Variants in DLG1 observed in about 807,000 individuals in gnomAD.
The protein encoded by DLG1 is disks large homolog 1.
DLG1 carries 42 observed loss-of-function variants against 123.4 expected under a neutral mutation model. The observed-to-expected ratio is 0.34, with a 90% CI of 0.27 to 0.44. DLG1 has a LOEUF of 0.44. Among genes scored for constraint, DLG1 ranks in the 20% least tolerant of loss-of-function variants. The probability of loss-of-function intolerance (pLI) is 1.00; values close to 1 mark genes in which losing one functional copy is unlikely to be tolerated. For missense variants in DLG1, 942 were observed against 1,082.6 expected (o/e 0.87, Z 1.82); for synonymous variants, 317 against 356.2 (o/e 0.89, Z 1.24).
intron 14 of DLG1, among the ~76,000 whole-genome samples, chr3:197,103,478 A>G (rs1764647641): frequency 6.6e-6 from 1 of 152,122 alleles, no homozygotes; most frequent in Non-Finnish European, 1.5e-5. Context: ...TGGCCAGAAG[A>G]TAAAAGTACA....
chr3:197,291,754 A>T (rs1775038429), intron 3 of DLG1, among the ~76,000 whole-genome samples: 3 of 152,236 alleles, frequency 2.0e-5, no homozygotes. Flanking sequence ...GTCATTTCTC[A>T]GTGCTTCAGT....
intron 4 of DLG1, among the ~76,000 whole-genome samples, chr3:197,232,573 T>C (rs1252685270): frequency 3.9e-5 from 6 of 152,124 alleles, no homozygotes; most frequent in African/African-American, 1.4e-4. Context: ...ACCTCTAACC[T>C]ACTAGATCCA....
chr3:197,144,487 T>C (rs578159602), intron 6 of DLG1, among the ~76,000 whole-genome samples: 1 of 152,168 alleles, frequency 6.6e-6, no homozygotes, highest in African/African-American at 2.4e-5. Flanking sequence ...AGCAGAGCCA[T>C]CCAATTCATT....
chr3:197,155,292 CG>C (rs1428652200), intron 5 of DLG1, among the ~76,000 whole-genome samples: 2 of 151,962 alleles, frequency 1.3e-5, no homozygotes, highest in Non-Finnish European at 2.9e-5. Context: ...TAAAATAAGA[CG>C]AAAAAAACCC....
At chr3:197,203,915 G>A (rs907811550) in intron 4 of DLG1, among the ~76,000 whole-genome samples, 3 of 152,204 alleles carry the variant, frequency 2.0e-5, no homozygotes. Flanking sequence ...ATACTTTTAG[G>A]GTAAGGAAGA....
At chr3:197,199,921 T>G (rs1009558391) in intron 4 of DLG1, among the ~76,000 whole-genome samples, 1 of 152,194 alleles carries the variant, frequency 6.6e-6, no homozygotes, top group Admixed American at 6.5e-5. Flanking sequence ...TAAATGATTA[T>G]AGTAAGAACA....
At chr3:197,270,992 A>G (rs1361903837) in intron 4 of DLG1, among the ~76,000 whole-genome samples, 1 of 152,204 alleles carries the variant, frequency 6.6e-6, no homozygotes, top group Non-Finnish European at 1.5e-5. Context: ...TCAAAAAGGT[A>G]ATGTCATTTA....
intron 5 of DLG1, among the ~76,000 whole-genome samples, chr3:197,172,453 T>C (rs1346107910): frequency 6.6e-6 from 1 of 152,170 alleles, no homozygotes; most frequent in East Asian, 1.9e-4. Context: ...TTATTATCTG[T>C]CTTCTTCTAC....
intron 4 of DLG1, among the ~76,000 whole-genome samples, chr3:197,262,341 C>T (rs1322456661): frequency 6.6e-6 from 1 of 152,338 alleles, no homozygotes; most frequent in Middle Eastern, 3.4e-3. Context: ...AGGCTGAGGA[C>T]TCCAACTCTA....
chr3:197,071,829 C>T (rs115523207), intron 18 of DLG1, among the ~76,000 whole-genome samples: 4 of 152,208 alleles, frequency 2.6e-5, no homozygotes, highest in African/African-American at 7.2e-5. Flanking sequence ...GGAGTTCATG[C>T]GCTAGGAATG....
At chr3:197,122,569 C>G (rs1453719799) in intron 11 of DLG1, among the ~76,000 whole-genome samples, 3 of 152,074 alleles carry the variant, frequency 2.0e-5, no homozygotes, top group Admixed American at 2.0e-4. Context: ...ACCTATAAAA[C>G]CTAACATTAA....
chr3:197,091,137 C>A (rs2149176472), intron 14 of DLG1, 111 bp from the exon 15 acceptor site: 3 of 644,442 alleles, frequency 4.7e-6, no homozygotes, highest in South Asian at 3.0e-5. Flanking sequence ...GTGGTTAGAA[C>A]CTTAAAATAG....
chr3:197,230,095 T>C (rs1742119830), intron 4 of DLG1, among the ~76,000 whole-genome samples: 1 of 152,212 alleles, frequency 6.6e-6, no homozygotes. Flanking sequence ...AATGACAATT[T>C]AAGGCTATCA....
chr3:197,084,273 G>T (rs1488005108), intron 16 of DLG1, among the ~76,000 whole-genome samples: 1 of 150,998 alleles, frequency 6.6e-6, no homozygotes, highest in African/African-American at 2.4e-5. Context: ...TCAGTAACTA[G>T]TAGCTTTAGA....
intron 4 of DLG1, among the ~76,000 whole-genome samples, chr3:197,275,622 A>T (rs947374256): frequency 6.6e-6 from 1 of 152,242 alleles, no homozygotes; most frequent in Non-Finnish European, 1.5e-5. Flanking sequence ...AGGATATCTT[A>T]TGAGAAATAA....
intron 4 of DLG1, among the ~76,000 whole-genome samples, chr3:197,275,093 G>T (rs1765759440): frequency 6.6e-6 from 1 of 151,072 alleles, no homozygotes; most frequent in Non-Finnish European, 1.5e-5. Context: ...GGCTGAGGCA[G>T]AAGAATTGCT....
intron 4 of DLG1, among the ~76,000 whole-genome samples, chr3:197,211,452 T>C (rs1731223670): frequency 6.8e-6 from 1 of 146,474 alleles, no homozygotes; most frequent in Admixed American, 6.8e-5. Flanking sequence ...CACAATCAAG[T>C]AGGCTTCATC....
At chr3:197,270,843 A>G (rs1333335462) in intron 4 of DLG1, among the ~76,000 whole-genome samples, 3 of 152,196 alleles carry the variant, frequency 2.0e-5, no homozygotes, top group Non-Finnish European at 4.4e-5. Flanking sequence ...CTTACCAAAA[A>G]CGAGTCTCAT....
intron 4 of DLG1, among the ~76,000 whole-genome samples, chr3:197,257,727 C>CTAAA (rs1381257866): frequency 2.0e-5 from 3 of 152,152 alleles, no homozygotes; most frequent in Non-Finnish European, 4.4e-5. Flanking sequence ...AACCTCCATG[C>CTAAA]TAAAGAACAC....
Sources: allele counts gnomAD v4.1 joint callset (sites outside exome capture counted in the v4.1 genomes callset), GRCh38; gene constraint gnomAD v4.1.1; transcripts MANE v1.5; gene names NCBI Gene and HGNC (gene_info 2026-07-23, HGNC 2026-07-21).